GLIS1: variants seen among roughly 807,000 people sequenced by gnomAD.
GLIS1 encodes the protein GLIS family zinc finger 1.
Under a neutral mutation model 63.8 loss-of-function variants are expected in GLIS1, and 24 were observed. That is an observed-to-expected ratio of 0.38 (90% CI 0.27 to 0.53). The LOEUF is 0.53. GLIS1 is among the 20% of genes least tolerant of loss of function. GLIS1 has a pLI of 0.85. For synonymous variants in GLIS1, 450 were observed against 482.5 expected (o/e 0.93, Z 0.88); for missense variants, 1,036 against 1,074.1 (o/e 0.96, Z 0.50).
intron 2 of GLIS1, among the ~76,000 whole-genome samples, chr1:53,632,298 G>T (rs1251632764): frequency 6.9e-6 from 1 of 144,626 alleles, no homozygotes; most frequent in Non-Finnish European, 1.5e-5. Context: ...GGAGAAGGGA[G>T]AGTAAGGGAG....
intron 4 of GLIS1, among the ~76,000 whole-genome samples, chr1:53,578,636 T>C (rs946644693): frequency 6.6e-6 from 1 of 152,220 alleles, no homozygotes; most frequent in African/African-American, 2.4e-5. Context: ...TTGCTTTGGC[T>C]ACCAGGAAGC....
At chr1:53,664,953 G>A (rs1407169203) in intron 2 of GLIS1, among the ~76,000 whole-genome samples, 1 of 152,156 alleles carries the variant, frequency 6.6e-6, no homozygotes, top group Admixed American at 6.5e-5. Context: ...GGCAGGAGGA[G>A]GGGGAGGGCA....
At chr1:53,702,016 A>AAAAAAAAC in intron 2 of GLIS1, among the ~76,000 whole-genome samples, 1 of 149,360 alleles carries the variant, frequency 6.7e-6, no homozygotes, top group African/African-American at 2.5e-5. Context: ...AAAAAAAAAA[A>AAAAAAAAC]AAAAAAGAAA....
chr1:53,730,050 A>G (rs756905141), intron 2 of GLIS1, among the ~76,000 whole-genome samples: 4 of 152,180 alleles, frequency 2.6e-5, no homozygotes, highest in Non-Finnish European at 5.9e-5. Context: ...TTATATTATC[A>G]TTCTCTGCCT....
At chr1:53,569,934 C>T (rs1323822061) in intron 4 of GLIS1, among the ~76,000 whole-genome samples, 1 of 151,896 alleles carries the variant, frequency 6.6e-6, no homozygotes, top group South Asian at 2.1e-4. Flanking sequence ...TAGAAAGTCA[C>T]AAAGAACATG....
At chr1:53,587,564 G>A (rs1027252128) in intron 4 of GLIS1, among the ~76,000 whole-genome samples, 3 of 152,164 alleles carry the variant, frequency 2.0e-5, no homozygotes, top group Non-Finnish European at 4.4e-5. Flanking sequence ...GTTTCCAGGC[G>A]ACTATTCTAA....
intron 2 of GLIS1, among the ~76,000 whole-genome samples, chr1:53,715,967 A>G (rs1459821165): frequency 6.6e-6 from 1 of 152,172 alleles, no homozygotes; most frequent in Non-Finnish European, 1.5e-5. Flanking sequence ...AAGCACAGTT[A>G]TATGCCAATA....
At chr1:53,553,762 G>A (rs1015515099) in intron 4 of GLIS1, among the ~76,000 whole-genome samples, 1 of 132,848 alleles carries the variant, frequency 7.5e-6, no homozygotes, top group South Asian at 2.6e-4. Context: ...TAAGCTTTAG[G>A]GACGGAGAAT....
chr1:53,610,350 C>T (rs2100571466), intron 2 of GLIS1, among the ~76,000 whole-genome samples: 1 of 152,216 alleles, frequency 6.6e-6, no homozygotes, highest in East Asian at 1.9e-4. Flanking sequence ...AATTGTAAGC[C>T]TACTGGCAAG....
chr1:53,681,909 G>T (rs754395258), intron 2 of GLIS1, among the ~76,000 whole-genome samples: 1 of 137,690 alleles, frequency 7.3e-6, no homozygotes, highest in African/African-American at 3.0e-5. Flanking sequence ...TCCTGCTCTC[G>T]GGGGCCTTCT....
chr1:53,595,770 T>C (rs1048646392), intron 3 of GLIS1, among the ~76,000 whole-genome samples: 2 of 152,232 alleles, frequency 1.3e-5, no homozygotes, highest in Non-Finnish European at 2.9e-5. Flanking sequence ...TGTATGACAC[T>C]TCGCCCCAAG....
At chr1:53,573,938 A>G (rs148011619) in intron 4 of GLIS1, among the ~76,000 whole-genome samples, 1 of 152,362 alleles carries the variant, frequency 6.6e-6, no homozygotes, top group African/African-American at 2.4e-5. Context: ...ACAGACACTC[A>G]GGGCATCCTT....
At position 53,724,322 on chromosome 1, in the gene GLIS1, G is replaced by A. The variant is rs935254033; in HGVS notation, c.259+13484C>T. 5.9e-5 allele frequency among the ~76,000 whole-genome samples: 9 copies of A among 152,346 alleles called. No individual in the cohort carries two copies. The East Asian group carries it at 1.2e-3, about 20-fold the overall frequency. The stretch of plus-strand genomic sequence containing the variant: ...GCTGTCCAACAGAACTTTCTGTGAC[G>A]GAGGAAATGCTCTATATTTGCAGTT... On this transcript the variant is annotated intron_variant, in intron 2 of 10. Coordinates refer to ENST00000628545, the MANE Select transcript of GLIS1 (RefSeq NM_001367484.1).
intron 2 of GLIS1, among the ~76,000 whole-genome samples, chr1:53,703,715 TA>T (rs890922754): frequency 1.3e-4 from 19 of 147,990 alleles, no homozygotes; most frequent in African/African-American, 4.0e-4. Flanking sequence ...GCCCTTGACC[TA>T]AAGAGACCAC....
rs187882011 is a variant in GLIS1, at chr1:53,717,630, A to C, written c.259+20176T>G. 9.2e-5 allele frequency among the ~76,000 whole-genome samples: 14 copies of C among 152,234 alleles called. 1 individual carries two copies. The South Asian group carries it at 1.7e-3, about 18-fold the overall frequency. ...CCTGCAGATCCTCTGTCTCTGCTTA[A>C]ATGTCACCCTATCCTGACTGCACTG... On this transcript the variant is annotated intron_variant, in intron 2 of 10. Coordinates refer to ENST00000628545, the MANE Select transcript of GLIS1 (RefSeq NM_001367484.1).
In GLIS1 at chr1:53,594,256, A is replaced by G; in HGVS notation, c.1172T>C (p.Ile391Thr). 1 of 1,613,500 alleles carries G rather than the reference A, an allele frequency of 6.2e-7. No individual in the cohort carries two copies. Among genetic ancestry groups the G allele is most frequent in the East Asian group, 2.2e-5 (1 of 44,856 alleles). ...YEQQEELVRH[I>T]EKSHIDQRKG... ...GCGCTGGTCGATGTGGCTCTTCTCG[A>G]TGTGCCGCACCAGCTCCTCCTGCTG... The change falls in exon 4 of 11, where the codon ATC (isoleucine) becomes ACC (threonine). Residue 391 changes from isoleucine (I) to threonine (T), a missense_variant. By Grantham distance (89) the Ile-to-Thr change is moderately conservative (BLOSUM62 -1). This residue lies in a region of GLIS1 where 592 missense variants were observed against 593.9 expected (regional missense o/e 1.00). Coordinates refer to ENST00000628545, the MANE Select transcript of GLIS1 (RefSeq NM_001367484.1).
At chr1:53,543,392 G>T (rs1234772276) in intron 4 of GLIS1, among the ~76,000 whole-genome samples, 1 of 152,148 alleles carries the variant, frequency 6.6e-6, no homozygotes, top group Non-Finnish European at 1.5e-5. Context: ...CACCGTAATC[G>T]CCTTTCCTAG....
chr1:53,636,939 G>A (rs901840121), intron 2 of GLIS1, among the ~76,000 whole-genome samples: 4 of 152,202 alleles, frequency 2.6e-5, no homozygotes, highest in Non-Finnish European at 5.9e-5. Flanking sequence ...TGGGCAGGAC[G>A]AGGTCTGACT....
intron 4 of GLIS1, among the ~76,000 whole-genome samples, chr1:53,590,343 C>T (rs760123800): frequency 1.1e-4 from 17 of 152,162 alleles, no homozygotes; most frequent in Non-Finnish European, 1.0e-4. Flanking sequence ...CTTTTCACCT[C>T]TGCACATGCC....
Sources: allele counts gnomAD v4.1 joint callset (sites outside exome capture counted in the v4.1 genomes callset), GRCh38; gene constraint gnomAD v4.1.1; regional missense constraint gnomAD v4.1.1; transcripts MANE v1.5; gene names NCBI Gene and HGNC (gene_info 2026-07-23, HGNC 2026-07-21).